RPTOR: variants seen among roughly 807,000 people sequenced by gnomAD.
RPTOR encodes the protein regulatory-associated protein of mTOR.
A neutral mutation model predicts 169.9 loss-of-function variants in RPTOR; 21 were observed. The ratio of observed to expected loss-of-function variants is 0.12; its 90% confidence interval spans 0.09 to 0.18. The LOEUF is 0.18. Ranked by LOEUF, RPTOR falls within the 10% of genes least tolerant of loss-of-function variation. The pLI, the probability that RPTOR is intolerant of heterozygous loss-of-function variation, is 1.00. For missense variants in RPTOR, 1,133 were observed against 1,855.9 expected, an observed-to-expected ratio of 0.61 and a Z score of 7.16; for synonymous variants, 732 against 753.2, an observed-to-expected ratio of 0.97 and a Z score of 0.46.
Position 80,545,572 on chromosome 17 carries a change from A to G in RPTOR, c.-58A>G. On this transcript the variant is annotated 5_prime_UTR_variant, in exon 1 of 34. Transcript: ENST00000306801. ...CCAATTCTGGTACACGCTAGTTTTT[A>G]AGGCTGGAGGTTCTCGAGCGCTTGC... The G allele has an allele frequency of 7.4e-7, 1 of 1,353,834 alleles. No individual in the cohort carries two copies. Among genetic ancestry groups the G allele is most frequent in the South Asian group, 1.3e-5 (1 of 77,482 alleles). 83.9% of individuals were successfully genotyped at this position (1,353,834 alleles called of 1,614,324 possible).
chr17:80,615,118 A>G lies in RPTOR; in HGVS notation c.163-10573A>G, dbSNP rs181959604. Among the ~76,000 whole-genome samples the G allele has an allele frequency of 5.3e-5, 8 of 152,260 alleles. No homozygotes were observed. The East Asian group carries it at 1.5e-3, about 29-fold the overall frequency. On this transcript the variant is annotated intron_variant, in intron 1 of 33. Transcript: ENST00000306801. Reference sequence around the variant, plus strand: ...TCTGAGTCTGTTCCCGCCAGGTTAAATAGAAAGGGGATTTGCCAAGGATCT... The same window carrying G: ...TCTGAGTCTGTTCCCGCCAGGTTAAGTAGAAAGGGGATTTGCCAAGGATCT...
chr17:80,896,007 A>T (rs533134027), intron 20 of RPTOR, among the ~76,000 whole-genome samples: 2 of 152,182 alleles, frequency 1.3e-5, no homozygotes, highest in East Asian at 3.8e-4. Context: ...CTTTGGTGCC[A>T]CACAAGCTTA....
intron 1 of RPTOR, among the ~76,000 whole-genome samples, chr17:80,597,080 A>G (rs556712724): frequency 3.3e-5 from 5 of 152,296 alleles, no homozygotes; most frequent in East Asian, 1.9e-4. Flanking sequence ...TGGAACCCCA[A>G]GTGTGGGACT....
At chr17:80,951,137 C>A (rs887818509) in intron 28 of RPTOR, among the ~76,000 whole-genome samples, 2 of 151,620 alleles carry the variant, frequency 1.3e-5, no homozygotes, top group Non-Finnish European at 1.5e-5. Flanking sequence ...CACGTCCACA[C>A]CCGGCTGGCC....
intron 2 of RPTOR, among the ~76,000 whole-genome samples, chr17:80,628,951 G>C (rs1210138083): frequency 6.6e-6 from 1 of 151,786 alleles, no homozygotes; most frequent in Non-Finnish European, 1.5e-5. Flanking sequence ...GCTCTTCCAT[G>C]TGTCTCTCTC....
At chr17:80,876,269 G>A (rs1453719221) in intron 13 of RPTOR, among the ~76,000 whole-genome samples, 3 of 36,070 alleles carry the variant, frequency 8.3e-5, no homozygotes, top group African/African-American at 5.5e-4. Context: ...CCCGTGCCAC[G>A]CAGGGTGTGT....
intron 5 of RPTOR, among the ~76,000 whole-genome samples, chr17:80,750,755 T>A (rs922804868): frequency 3.3e-5 from 5 of 152,178 alleles, no homozygotes; most frequent in African/African-American, 1.2e-4. Context: ...GGAAATGGTT[T>A]TAAACATGAT....
At chr17:80,855,987 TG>T (rs2067848313) in intron 12 of RPTOR, among the ~76,000 whole-genome samples, 1 of 152,196 alleles carries the variant, frequency 6.6e-6, no homozygotes, top group South Asian at 2.1e-4. Flanking sequence ...AACGCTCTTC[TG>T]GTTCCTCATT....
intron 28 of RPTOR, among the ~76,000 whole-genome samples, chr17:80,952,163 A>C (rs1029071918): frequency 4.6e-5 from 7 of 152,216 alleles, no homozygotes; most frequent in African/African-American, 1.7e-4. Context: ...TGACCACAGC[A>C]CAGCCACCAC....
intron 9 of RPTOR, among the ~76,000 whole-genome samples, chr17:80,825,195 C>T (rs1384519607): frequency 3.4e-5 from 5 of 146,824 alleles, no homozygotes; most frequent in East Asian, 2.1e-4. Context: ...CTAGAGGCCG[C>T]GTGGCGAGGC....
At chr17:80,624,723 C>T (rs1228719970) in intron 1 of RPTOR, among the ~76,000 whole-genome samples, 1 of 152,094 alleles carries the variant, frequency 6.6e-6, no homozygotes, top group East Asian at 1.9e-4. Flanking sequence ...TATCATATAC[C>T]AGAATAACAT....
At chr17:80,801,305 G>T (rs936717578) in intron 7 of RPTOR, among the ~76,000 whole-genome samples, 1 of 152,108 alleles carries the variant, frequency 6.6e-6, no homozygotes, top group Non-Finnish European at 1.5e-5. Flanking sequence ...CCCTTCAAGG[G>T]TGGGTGCTGT....
At chr17:80,900,497 GT>G in intron 20 of RPTOR, among the ~76,000 whole-genome samples, 1 of 152,268 alleles carries the variant, frequency 6.6e-6, no homozygotes, top group South Asian at 2.1e-4. Context: ...TGTACTTTTA[GT>G]AGAGACAAAG....
At chr17:80,943,275 C>T (rs1295214026) in intron 25 of RPTOR, among the ~76,000 whole-genome samples, 1 of 152,132 alleles carries the variant, frequency 6.6e-6, no homozygotes, top group Non-Finnish European at 1.5e-5. Context: ...GTGCCCAAGT[C>T]GCGCGGCTTT....
chr17:80,608,423 G>A (rs534544656), intron 1 of RPTOR, among the ~76,000 whole-genome samples: 21 of 152,240 alleles, frequency 1.4e-4, no homozygotes, highest in Non-Finnish European at 2.6e-4. Flanking sequence ...CTTTACAGCC[G>A]TTGTTTTTTC....
chr17:80,890,503 C>G (rs1169659796), intron 17 of RPTOR, among the ~76,000 whole-genome samples: 1 of 148,646 alleles, frequency 6.7e-6, no homozygotes, highest in Non-Finnish European at 1.5e-5. Flanking sequence ...CGTGAAGACG[C>G]ACACTGGGCC....
At chr17:80,869,341 G>A (rs1265875077) in intron 13 of RPTOR, among the ~76,000 whole-genome samples, 5 of 152,028 alleles carry the variant, frequency 3.3e-5, no homozygotes, top group African/African-American at 1.2e-4. Context: ...TATGTTTTCA[G>A]TGGACGAGGT....
intron 3 of RPTOR, among the ~76,000 whole-genome samples, chr17:80,656,359 C>T (rs113115298): frequency 0.029 from 4,452 of 152,306 alleles, 220 homozygotes; most frequent in African/African-American, 0.1. Flanking sequence ...TGAGTCAACA[C>T]GCCCGGCCTC....
chr17:80,949,497 A>G lies in RPTOR; in HGVS notation c.3320A>G (p.Glu1107Gly), dbSNP rs2069146355. The change falls in exon 28 of 34, where the codon GAG becomes GGG. Residue 1107 changes from glutamate to glycine, a missense_variant. Transcript: ENST00000306801. ...KNFADLEKNP[E>G]MVTAWQGLSD... Reference sequence around the variant, plus strand: ...TTTGCTGATTTGGAAAAGAACCCAGAGATGGTGACCGCGTGGCAGGGGCTC... The same window carrying G: ...TTTGCTGATTTGGAAAAGAACCCAGGGATGGTGACCGCGTGGCAGGGGCTC... The G allele has an allele frequency of 2.5e-6, 4 of 1,614,030 alleles. No individual in the cohort carries two copies. The highest frequency in any genetic ancestry group is 2.5e-6 in the Non-Finnish European group (3 of 1,180,038).
Sources: gnomAD v4.1 joint callset for allele counts (sites outside exome capture counted in the v4.1 genomes callset) on GRCh38, gnomAD v4.1.1 for gene constraint, MANE v1.5 for transcripts, NCBI Gene and HGNC (gene_info 2026-07-23, HGNC 2026-07-21) for gene names.